Variants in TNIP3 observed in about 807,000 individuals in gnomAD.
The protein encoded by TNIP3 is TNFAIP3-interacting protein 3.
TNIP3 carries 34 observed loss-of-function variants against 54.1 expected under a neutral mutation model. The ratio of observed to expected loss-of-function variants is 0.63; its 90% confidence interval spans 0.48 to 0.84. The LOEUF (loss-of-function observed/expected upper bound fraction) is 0.84, where lower values mean the gene tolerates loss of function less well. Among genes scored for constraint, TNIP3 ranks in the 40% least tolerant of loss-of-function variants. The pLI is 0.00. For synonymous variants in TNIP3, 134 were observed against 136.8 expected, an observed-to-expected ratio of 0.98 and a Z score of 0.14; for missense variants, 366 against 387.6, an observed-to-expected ratio of 0.94 and a Z score of 0.47.
At chr4:121,184,241 C>G (rs1449720974) in intron 2 of TNIP3, among the ~76,000 whole-genome samples, 1 of 152,050 alleles carries the variant, frequency 6.6e-6, no homozygotes, top group Non-Finnish European at 1.5e-5. Flanking sequence ...GAGTACTTCT[C>G]AAAGTTGTCT....
chr4:121,171,218 G>C (rs1731047727), intron 3 of TNIP3, among the ~76,000 whole-genome samples: 1 of 152,174 alleles, frequency 6.6e-6, no homozygotes, highest in Non-Finnish European at 1.5e-5. Context: ...CCAAACTCTA[G>C]ACACCATCTG....
intron 2 of TNIP3, among the ~76,000 whole-genome samples, chr4:121,203,309 G>C (rs926365884): frequency 1.3e-5 from 2 of 152,008 alleles, no homozygotes; most frequent in Admixed American, 6.6e-5. Flanking sequence ...CAAAATAATG[G>C]CATTCGCAGC....
chr4:121,183,510 G>A (rs1489009206), intron 2 of TNIP3, among the ~76,000 whole-genome samples: 1 of 152,148 alleles, frequency 6.6e-6, no homozygotes, highest in East Asian at 1.9e-4. Flanking sequence ...TATACCAGGG[G>A]TCCCCAACCC....
intron 2 of TNIP3, among the ~76,000 whole-genome samples, chr4:121,160,880 G>C (rs1730406897): frequency 6.6e-6 from 1 of 152,164 alleles, no homozygotes; most frequent in African/African-American, 2.4e-5. Flanking sequence ...TAAGTTTTGA[G>C]AAAATTAGGA....
At chr4:121,161,329 A>G in intron 1 of TNIP3, 113 bp from the exon 2 acceptor site, 1 of 821,370 alleles carries the variant, frequency 1.2e-6, no homozygotes, top group Non-Finnish European at 1.9e-6. Context: ...GCGATTTAAA[A>G]AATACCTGAT....
At chr4:121,190,155 A>G (rs991193220) in intron 2 of TNIP3, among the ~76,000 whole-genome samples, 2 of 152,234 alleles carry the variant, frequency 1.3e-5, no homozygotes, top group Admixed American at 1.3e-4. Flanking sequence ...AAACAGAGTG[A>G]CAGATTAAAA....
chr4:121,149,730 C>T (rs1224330403), intron 6 of TNIP3, among the ~76,000 whole-genome samples: 2 of 152,196 alleles, frequency 1.3e-5, no homozygotes, highest in African/African-American at 4.8e-5. Context: ...TGTACCACTG[C>T]ACCACAGCCT....
chr4:121,171,782 G>A (rs544105181), intron 3 of TNIP3, among the ~76,000 whole-genome samples: 101 of 152,160 alleles, frequency 6.6e-4, no homozygotes, highest in Non-Finnish European at 1.3e-3. Flanking sequence ...CCAGGCTGGA[G>A]TGCAGTGATG....
chr4:121,191,261 A>G (rs556119017), intron 2 of TNIP3, among the ~76,000 whole-genome samples: 1 of 152,322 alleles, frequency 6.6e-6, no homozygotes, highest in Non-Finnish European at 1.5e-5. Context: ...CTGAGCCCCT[A>G]TATTTAGGTG....
chr4:121,176,739 A>T (rs1321346491), intron 3 of TNIP3, among the ~76,000 whole-genome samples: 1 of 152,116 alleles, frequency 6.6e-6, no homozygotes, highest in African/African-American at 2.4e-5. Context: ...TGGTTACAGA[A>T]AACATGTGTC....
intron 2 of TNIP3, among the ~76,000 whole-genome samples, chr4:121,183,061 C>G (rs576522786): frequency 6.6e-6 from 1 of 152,282 alleles, no homozygotes; most frequent in East Asian, 1.9e-4. Context: ...AGAATTGAAT[C>G]GAACACTCAC....
At chr4:121,193,404 A>T (rs1269285818) in intron 2 of TNIP3, among the ~76,000 whole-genome samples, 1 of 152,212 alleles carries the variant, frequency 6.6e-6, no homozygotes, top group South Asian at 2.1e-4. Context: ...ATACATTAGA[A>T]TTCATCAAAT....
chr4:121,141,698 G>T, intron 9 of TNIP3, 118 bp downstream of exon 9: 1 of 624,300 alleles, frequency 1.6e-6, no homozygotes, highest in Non-Finnish European at 2.5e-6. Flanking sequence ...CAAGTTAGAG[G>T]CTGAGAGAAA....
At position 121,132,375 on chromosome 4, in the gene TNIP3, C is replaced by T. The variant is rs1178992730; in HGVS notation, c.*256G>A. The stretch of plus-strand genomic sequence containing the variant: ...AGATTTTCAGGGAGTCGTGCATCAT[C>T]CATCTGCCAAGTCTCATTTCAAGGA... On this transcript the variant is annotated 3_prime_UTR_variant, in exon 11 of 11. Coordinates refer to ENST00000057513, the MANE Select transcript of TNIP3 (RefSeq NM_024873.6). 1.1e-5 allele frequency: 5 copies of T among 455,654 alleles called. No homozygotes were observed. In the Admixed American group the frequency reaches 1.9e-4, roughly 17 times the overall value. 28.2% of individuals were successfully genotyped at this position (455,654 alleles called of 1,614,324 possible).
intron 10 of TNIP3, among the ~76,000 whole-genome samples, chr4:121,136,207 T>C (rs991595357): frequency 6.6e-6 from 1 of 152,214 alleles, no homozygotes; most frequent in Non-Finnish European, 1.5e-5. Context: ...ATTCTAAATG[T>C]CAAATGAGTA....
At chr4:121,143,645 T>C (rs894537749) in intron 7 of TNIP3, among the ~76,000 whole-genome samples, 14 of 152,242 alleles carry the variant, frequency 9.2e-5, no homozygotes, top group African/African-American at 3.4e-4. Context: ...ATTGAACCAC[T>C]GCTCCTAGGA....
At chr4:121,149,504 C>T (rs1425409643) in intron 6 of TNIP3, among the ~76,000 whole-genome samples, 14 of 152,186 alleles carry the variant, frequency 9.2e-5, no homozygotes, top group African/African-American at 2.2e-4. Context: ...CTGTGGCTCA[C>T]GCCTGTAATC....
intron 3 of TNIP3, among the ~76,000 whole-genome samples, chr4:121,177,796 C>T (rs1470821): frequency 0.28 from 42,855 of 152,038 alleles, 6,905 homozygotes; most frequent in African/African-American, 0.44. Context: ...TATAGGGTTT[C>T]TTTCTGCAGA....
At chr4:121,135,643 C>T (rs915166231) in intron 10 of TNIP3, among the ~76,000 whole-genome samples, 2 of 152,190 alleles carry the variant, frequency 1.3e-5, no homozygotes, top group South Asian at 4.1e-4. Flanking sequence ...AAGCAATCTG[C>T]CCACGTTGGC....
Sources: gnomAD v4.1 joint callset for allele counts (sites outside exome capture counted in the v4.1 genomes callset) on GRCh38, gnomAD v4.1.1 for gene constraint, MANE v1.5 for transcripts, NCBI Gene and HGNC (gene_info 2026-07-23, HGNC 2026-07-21) for gene names.